Variants in SLC44A5 observed in about 807,000 individuals in gnomAD.
SLC44A5 encodes the protein solute carrier family 44 member 5.
In SLC44A5, 57 loss-of-function variants were observed where a neutral mutation model predicts 101.8. The observed-to-expected ratio is 0.56, with a 90% CI of 0.45 to 0.70. The LOEUF is 0.70. SLC44A5 is among the 30% of genes least tolerant of loss of function. The pLI is 0.00. For synonymous variants in SLC44A5, 281 were observed against 290.9 expected (o/e 0.97, Z 0.35); for missense variants, 737 against 853.1 (o/e 0.86, Z 1.70).
intron 2 of SLC44A5, among the ~76,000 whole-genome samples, chr1:75,468,690 T>C (rs1360041162): frequency 6.6e-6 from 1 of 151,950 alleles, no homozygotes; most frequent in Non-Finnish European, 1.5e-5. Context: ...GCAATGGGGT[T>C]TGGGGGATGT....
chr1:75,356,239 T>G lies in SLC44A5; in HGVS notation c.53-16609A>C, dbSNP rs114335533. Among the ~76,000 whole-genome samples, 1,337 of 147,652 alleles carry G rather than the reference T, an allele frequency of 9.1e-3. 28 individuals carry two copies. Among genetic ancestry groups the G allele is most frequent in the African/African-American group, 0.032 (1,287 of 40,402 alleles). ...AAAAAAAAAAAAAAAAAAAGAGATA[T>G]TCTAGAAGAAGGCCTTGTTAGCATA... On this transcript the variant is annotated intron_variant, in intron 3 of 23. Coordinates refer to ENST00000370859, the MANE Select transcript of SLC44A5 (RefSeq NM_001130058.2).
chr1:75,651,523 C>T, the SLC44A5 span, among the ~76,000 whole-genome samples: 3 of 151,722 alleles, frequency 2.0e-5, no homozygotes, highest in Non-Finnish European at 2.9e-5. Flanking sequence ...GGTGAAACCT[C>T]CTCTCTACTA....
chr1:75,500,615 A>G (rs912277404), intron 2 of SLC44A5, among the ~76,000 whole-genome samples: 6 of 152,136 alleles, frequency 3.9e-5, no homozygotes, highest in African/African-American at 1.4e-4. Context: ...CAATATTAGA[A>G]CCATTACACA....
At chr1:75,543,401 T>A (rs1007498701) in intron 1 of SLC44A5, among the ~76,000 whole-genome samples, 12 of 151,738 alleles carry the variant, frequency 7.9e-5, no homozygotes, top group African/African-American at 2.7e-4. Context: ...CACCAAACCA[T>A]CCCGCAAAAA....
the SLC44A5 span, among the ~76,000 whole-genome samples, chr1:75,715,295 A>T: frequency 1.3e-5 from 2 of 152,174 alleles, no homozygotes; most frequent in African/African-American, 2.4e-5. Flanking sequence ...AAAAAACAAT[A>T]TTTTAAAATG....
chr1:75,525,370 C>T lies in SLC44A5; in HGVS notation c.13+16065G>A, dbSNP rs141615341. Among the ~76,000 whole-genome samples, 422 of 152,072 alleles carry T rather than the reference C, an allele frequency of 2.8e-3. 2 individuals are homozygous for T. The highest frequency in any genetic ancestry group is 9.7e-3 in the African/African-American group (402 of 41,500). On this transcript the variant is annotated intron_variant, in intron 2 of 23. Transcript: ENST00000370859. ...GAATATCACTTATGGAATATCCTAG[C>T]CAAAAATGTTTAATTTAAATCTAAT...
intron 2 of SLC44A5, among the ~76,000 whole-genome samples, chr1:75,405,696 C>A (rs1463606532): frequency 6.6e-6 from 1 of 152,124 alleles, no homozygotes; most frequent in African/African-American, 2.4e-5. Context: ...CTGTGGGACA[C>A]AGCTAAAGCA....
At chr1:75,679,680 G>A in the SLC44A5 span, among the ~76,000 whole-genome samples, 85 of 150,750 alleles carry the variant, frequency 5.6e-4, no homozygotes, top group African/African-American at 2.0e-3. Flanking sequence ...AAAGACCATC[G>A]AGACTAGGAA....
At chr1:75,721,150 C>T in the SLC44A5 span, among the ~76,000 whole-genome samples, 1 of 152,152 alleles carries the variant, frequency 6.6e-6, no homozygotes, top group Non-Finnish European at 1.5e-5. Flanking sequence ...GAGGCATGTC[C>T]AACCCCCACT....
chr1:75,687,515 G>A, the SLC44A5 span, among the ~76,000 whole-genome samples: 1 of 151,946 alleles, frequency 6.6e-6, no homozygotes, highest in Non-Finnish European at 1.5e-5. Flanking sequence ...TGTTGGCCAG[G>A]CTAGTCTTGA....
chr1:75,218,542 G>A lies in SLC44A5; in HGVS notation c.1477C>T (p.Pro493Ser), dbSNP rs779346781. 6.2e-7 allele frequency: 1 copy of A among 1,613,788 alleles called. No homozygotes were observed. The highest frequency in any genetic ancestry group is 8.5e-7 in the Non-Finnish European group (1 of 1,179,748). ...AGTGGATATCGTGGGATGTCATCAG[G>A]TTTTTTCATGGCCCAGTAATAAGTA... ...FATYYWAMKKPDDIPRYPLFT... is the reference protein window; with the variant it reads ...FATYYWAMKKSDDIPRYPLFT... The change falls in exon 17 of 24, where the codon CCT (proline) becomes TCT (serine). Residue 493 changes from proline (P) to serine (S), a missense_variant. By Grantham distance (74) the Pro-to-Ser change is moderately conservative. Coordinates refer to ENST00000370859, the MANE Select transcript of SLC44A5 (RefSeq NM_001130058.2).
intron 2 of SLC44A5, among the ~76,000 whole-genome samples, chr1:75,499,728 T>G (rs1668855368): frequency 6.6e-6 from 1 of 152,216 alleles, no homozygotes; most frequent in Admixed American, 6.5e-5. Flanking sequence ...TTTTCAATAC[T>G]GTATCATTTC....
intron 2 of SLC44A5, among the ~76,000 whole-genome samples, chr1:75,477,635 T>C (rs1017559193): frequency 6.6e-6 from 1 of 152,060 alleles, no homozygotes; most frequent in African/African-American, 2.4e-5. Flanking sequence ...TGTGATCAAC[T>C]GGAAGAAAGG....
At chr1:75,405,590 C>G (rs1662797223) in intron 2 of SLC44A5, among the ~76,000 whole-genome samples, 1 of 152,106 alleles carries the variant, frequency 6.6e-6, no homozygotes, top group Non-Finnish European at 1.5e-5. Context: ...ACTGAACAAC[C>G]TGCTCCTGAA....
the SLC44A5 span, among the ~76,000 whole-genome samples, chr1:75,693,377 G>A: frequency 6.6e-6 from 1 of 152,138 alleles, no homozygotes; most frequent in South Asian, 2.1e-4. Context: ...ACCCATTTCA[G>A]CAGCCCCGGT....
intron 2 of SLC44A5, among the ~76,000 whole-genome samples, chr1:75,460,354 G>A (rs1234941467): frequency 6.6e-6 from 1 of 152,188 alleles, no homozygotes. Context: ...GAAACTATGT[G>A]ATTAAGACAA....
intron 3 of SLC44A5, among the ~76,000 whole-genome samples, chr1:75,368,886 A>G: frequency 6.6e-6 from 1 of 152,240 alleles, no homozygotes; most frequent in East Asian, 1.9e-4. Flanking sequence ...AATTAAATAC[A>G]TATTAAAATG....
chr1:75,561,353 C>A (rs1028571283), intron 1 of SLC44A5, among the ~76,000 whole-genome samples: 3 of 152,026 alleles, frequency 2.0e-5, no homozygotes, highest in African/African-American at 7.2e-5. Flanking sequence ...ATTACTCTTA[C>A]CCTGACTTTT....
intron 2 of SLC44A5, among the ~76,000 whole-genome samples, chr1:75,449,270 G>A (rs1221413060): frequency 2.6e-5 from 4 of 152,150 alleles, no homozygotes; most frequent in Non-Finnish European, 5.9e-5. Context: ...TGCCACATTG[G>A]TTGTGTTCTC....
Sources: allele counts gnomAD v4.1 joint callset (sites outside exome capture counted in the v4.1 genomes callset), GRCh38; gene constraint gnomAD v4.1.1; transcripts MANE v1.5; gene names NCBI Gene and HGNC (gene_info 2026-07-23, HGNC 2026-07-21).